GNAI3: variants seen among roughly 807,000 people sequenced by gnomAD.
GNAI3 encodes G protein subunit alpha i3, also known as guanine nucleotide-binding protein G(i) subunit alpha-3.
A neutral mutation model predicts 41.8 loss-of-function variants in GNAI3; 12 were observed. The observed-to-expected ratio is 0.29, with a 90% CI of 0.18 to 0.47. The LOEUF (loss-of-function observed/expected upper bound fraction) is 0.47. GNAI3 is among the 20% of genes least tolerant of loss of function. The pLI, the probability that GNAI3 is intolerant of heterozygous loss-of-function variation, is 1.00. For missense variants in GNAI3, 360 were observed against 429.6 expected (o/e 0.84, Z 1.43); for synonymous variants, 132 against 146.5 (o/e 0.90, Z 0.71).
intron 1 of GNAI3, among the ~76,000 whole-genome samples, chr1:109,556,386 A>G (rs777951068): frequency 1.3e-5 from 2 of 152,216 alleles, no homozygotes; most frequent in Admixed American, 1.3e-4. Flanking sequence ...AAAAAACAAT[A>G]TAGAGAGACA....
At chr1:109,550,812 C>T (rs182660120) in intron 1 of GNAI3, among the ~76,000 whole-genome samples, 3 of 152,314 alleles carry the variant, frequency 2.0e-5, no homozygotes, top group East Asian at 1.9e-4. Flanking sequence ...GGATTATAGG[C>T]GTGAGGCCAC....
At chr1:109,557,389 G>A (rs926644234) in intron 1 of GNAI3, among the ~76,000 whole-genome samples, 4 of 152,142 alleles carry the variant, frequency 2.6e-5, no homozygotes, top group Non-Finnish European at 5.9e-5. Flanking sequence ...AGGGCAGGAG[G>A]ACTAAGTATT....
chr1:109,578,132 C>T (rs368582977), intron 3 of GNAI3, among the ~76,000 whole-genome samples: 1 of 151,976 alleles, frequency 6.6e-6, no homozygotes, highest in African/African-American at 2.4e-5. Flanking sequence ...CATTTCTGTC[C>T]TCTCCCTCAC....
intron 5 of GNAI3, 38 bp downstream of exon 5, chr1:109,582,603 A>G (rs2101107307): frequency 6.7e-6 from 10 of 1,491,192 alleles, no homozygotes; most frequent in Non-Finnish European, 7.5e-6. Flanking sequence ...TGCCAAATAC[A>G]AGTATCTTTC....
intron 1 of GNAI3, among the ~76,000 whole-genome samples, chr1:109,570,642 A>G (rs1648571347): frequency 6.6e-6 from 1 of 152,250 alleles, no homozygotes; most frequent in Non-Finnish European, 1.5e-5. Flanking sequence ...GTAAACGCAA[A>G]GACAGGAAAG....
intron 1 of GNAI3, among the ~76,000 whole-genome samples, chr1:109,564,576 T>C (rs1243447286): frequency 6.6e-6 from 1 of 152,218 alleles, no homozygotes; most frequent in Non-Finnish European, 1.5e-5. Flanking sequence ...TAGGTTTTTT[T>C]CCACATGTAT....
At chr1:109,575,819 C>T (rs1038097869) in intron 3 of GNAI3, among the ~76,000 whole-genome samples, 11 of 151,856 alleles carry the variant, frequency 7.2e-5, no homozygotes, top group African/African-American at 1.2e-4. Flanking sequence ...CGTGAGCCAC[C>T]GCTCCCGGCC....
Position 109,586,880 on chromosome 1 carries a change from C to T in GNAI3, c.872C>T (p.Thr291Ile). ...SPLTICYPEY[T>I]GSNTYEEAAA... ...TTAACTATCTGTTATCCAGAATACA[C>T]AGGTAAGGGGTTATGAAAGATTTTA... is the stretch of plus-strand genomic sequence containing the variant. Residue 291 changes from threonine to isoleucine, a missense_variant and splice_region_variant, in exon 7 of 9, where the codon ACA (threonine) becomes ATA (isoleucine). Thr to Ile is a moderately conservative substitution (Grantham distance 89, BLOSUM62 -1). Transcript: ENST00000369851. 1 of 1,590,252 alleles carries T rather than the reference C, an allele frequency of 6.3e-7. No individual in the cohort carries two copies. Among genetic ancestry groups the T allele is most frequent in the South Asian group, 1.1e-5 (1 of 90,442 alleles).
chr1:109,575,436 A>G (rs1648710719), intron 3 of GNAI3, among the ~76,000 whole-genome samples: 1 of 146,010 alleles, frequency 6.8e-6, no homozygotes, highest in South Asian at 2.2e-4. Context: ...TCTCTGTCTC[A>G]GTTATTTATT....
Position 109,572,760 on chromosome 1 carries a change from A to G in GNAI3, c.119-977A>G, listed in dbSNP as rs182653725. Among the ~76,000 whole-genome samples the G allele has an allele frequency of 6.6e-3, 998 of 152,306 alleles. 12 individuals carry two copies. Among genetic ancestry groups the G allele is most frequent in the South Asian group, 0.051 (244 of 4,824 alleles). ...ATAGTAAGTTTGCATGCTGATGAGA[A>G]TGACCCAGTGGAAAGAAAAAACTGA... On this transcript the variant is annotated intron_variant, in intron 1 of 8. Coordinates refer to ENST00000369851, the MANE Select transcript of GNAI3 (RefSeq NM_006496.4).
At chr1:109,562,428 T>C (rs962479014) in intron 1 of GNAI3, among the ~76,000 whole-genome samples, 12 of 152,086 alleles carry the variant, frequency 7.9e-5, no homozygotes, top group African/African-American at 2.9e-4. Context: ...TACCAAGGTA[T>C]GTGTGTGTGT....
Position 109,579,355 on chromosome 1 carries a change from C to T in GNAI3, c.455C>T (p.Ala152Val). The change falls in exon 4 of 9, where the codon GCT becomes GTT. Residue 152 changes from alanine to valine, a missense_variant. Transcript: ENST00000369851. ...AGGGAATATCAGCTCAATGATTCTG[C>T]TTCATAGTAAGTAATTTTTCTCTGT... is the stretch of plus-strand genomic sequence containing the variant. ...RSREYQLNDSASYYLNDLDRI... is the reference protein window; with the variant it reads ...RSREYQLNDSVSYYLNDLDRI... The T allele has an allele frequency of 6.2e-7, 1 of 1,608,754 alleles. No homozygotes were observed. The highest frequency in any genetic ancestry group is 8.5e-7 in the Non-Finnish European group (1 of 1,176,980).
At chr1:109,578,789 C>G (rs940018624) in intron 3 of GNAI3, among the ~76,000 whole-genome samples, 1 of 152,116 alleles carries the variant, frequency 6.6e-6, no homozygotes. Flanking sequence ...TAGACTTTAC[C>G]TCTTATGTGC....
Position 109,579,354 on chromosome 1 carries a change from G to C in GNAI3, c.454G>C (p.Ala152Pro), listed in dbSNP as rs1259614863. The C allele has an allele frequency of 6.2e-7, 1 of 1,609,308 alleles. No homozygotes were observed. The highest frequency in any genetic ancestry group is 8.5e-7 in the Non-Finnish European group (1 of 1,177,554). Reference protein sequence around the residue: ...RSREYQLNDSASYYLNDLDRI... With the variant: ...RSREYQLNDSPSYYLNDLDRI... ...CAGGGAATATCAGCTCAATGATTCT[G>C]CTTCATAGTAAGTAATTTTTCTCTG... Residue 152 changes from alanine (A) to proline (P), a missense_variant, in exon 4 of 9, where the codon GCT becomes CCT. Ala to Pro is a conservative substitution (Grantham distance 27, BLOSUM62 -1). Transcript: ENST00000369851.
rs1312243694 is a variant in GNAI3 at position 109,582,519 on chromosome 1, A to G, written c.544A>G (p.Thr182Ala). The change falls in exon 5 of 9, where the codon ACA becomes GCA. Residue 182 changes from threonine (T) to alanine (A), a missense_variant. By Grantham distance (58) the Thr-to-Ala change is moderately conservative. Transcript: ENST00000369851. ...TGTTCTTCGGACGAGAGTGAAGACCACAGGCATTGTAGAAACACATTTCAC... is the reference window on the plus strand; with the variant it reads ...TGTTCTTCGGACGAGAGTGAAGACCGCAGGCATTGTAGAAACACATTTCAC... ...QDVLRTRVKT[T>A]GIVETHFTFK... The G allele has an allele frequency of 6.2e-7, 1 of 1,605,078 alleles. No individual in the cohort carries two copies. Among genetic ancestry groups the G allele is most frequent in the East Asian group, 2.2e-5 (1 of 44,848 alleles).
At chr1:109,581,614 G>A (rs1303398021) in intron 4 of GNAI3, among the ~76,000 whole-genome samples, 1 of 151,948 alleles carries the variant, frequency 6.6e-6, no homozygotes, top group Non-Finnish European at 1.5e-5. Context: ...GTGTCCGGGC[G>A]CGGTTGCTCA....
intron 1 of GNAI3, among the ~76,000 whole-genome samples, chr1:109,550,985 C>A (rs890662594): frequency 2.0e-5 from 3 of 152,152 alleles, no homozygotes; most frequent in Non-Finnish European, 4.4e-5. Flanking sequence ...TTCCAAAATG[C>A]AGGATTAGGC....
rs1648826588 is a variant in GNAI3, at chr1:109,579,123, G to A, written c.304-81G>A. ...CACCTCTTTTAACATAACATGTAAT[G>A]TGTCTATATTTTAAAGAGACTGTCA... On this transcript the variant is annotated intron_variant, in intron 3 of 8. Coordinates refer to ENST00000369851, the MANE Select transcript of GNAI3 (RefSeq NM_006496.4). The A allele has an allele frequency of 1.4e-5, 15 of 1,103,858 alleles. No individual in the cohort carries two copies. The South Asian group carries it at 2.2e-4, about 16-fold the overall frequency. 68.4% of individuals were successfully genotyped at this position (1,103,858 alleles called of 1,614,324 possible).
chr1:109,572,532 G>A (rs1191665335), intron 1 of GNAI3, among the ~76,000 whole-genome samples: 2 of 152,164 alleles, frequency 1.3e-5, no homozygotes, highest in Non-Finnish European at 2.9e-5. Context: ...TTTTATTAGA[G>A]TGGTGGGGAT....
Sources: allele counts gnomAD v4.1 joint callset (sites outside exome capture counted in the v4.1 genomes callset), GRCh38; gene constraint gnomAD v4.1.1; transcripts MANE v1.5; gene names NCBI Gene and HGNC (gene_info 2026-07-23, HGNC 2026-07-21).